ZHX2: variants seen among roughly 807,000 people sequenced by gnomAD.
ZHX2 encodes zinc fingers and homeoboxes 2.
Under a neutral mutation model 21.9 loss-of-function variants are expected in ZHX2, and 6 were observed. The observed-to-expected ratio is 0.27, with a 90% confidence interval of 0.15 to 0.54. ZHX2 has a LOEUF of 0.54. Among genes scored for constraint, ZHX2 ranks in the 20% least tolerant of loss-of-function variants. The probability of loss-of-function intolerance (pLI) is 0.95; values close to 1 mark genes in which losing one functional copy is unlikely to be tolerated. For missense variants in ZHX2, 908 were observed against 1,090.7 expected (o/e 0.83, Z 2.36); for synonymous variants, 434 against 437.1 (o/e 0.99, Z 0.09).
At chr8:122,843,455 A>G (rs1818681894) in intron 1 of ZHX2, among the ~76,000 whole-genome samples, 1 of 152,230 alleles carries the variant, frequency 6.6e-6, no homozygotes, top group Non-Finnish European at 1.5e-5. Context: ...TTCTGGTTAG[A>G]GGAGCCTTTC....
At chr8:122,967,275 A>G in intron 3 of ZHX2, among the ~76,000 whole-genome samples, 1 of 152,180 alleles carries the variant, frequency 6.6e-6, no homozygotes, top group East Asian at 1.9e-4. Flanking sequence ...ATTTAGGTAG[A>G]CTGTTTCAGT....
intron 2 of ZHX2, among the ~76,000 whole-genome samples, chr8:122,867,958 G>A (rs1819338363): frequency 6.6e-6 from 1 of 152,100 alleles, no homozygotes; most frequent in Admixed American, 6.5e-5. Context: ...TATTGCTGAT[G>A]ATCCTTCAGT....
In ZHX2 at chr8:122,952,370, C is replaced by T. The variant is rs1448584670; in HGVS notation, c.860C>T (p.Pro287Leu). Residue 287 changes from proline to leucine, a missense_variant, in exon 3 of 4, where the codon CCG (proline) becomes CTG (leucine). This residue lies in a region of ZHX2 where 232 missense variants were observed against 361.8 expected (regional missense o/e 0.64). Coordinates refer to ENST00000314393, the MANE Select transcript of ZHX2 (RefSeq NM_014943.5). This position sits in a 1 kb window ranked among gnomAD's most constrained non-coding sequence, Gnocchi z 6.9. The part of the protein sequence containing the change: ...MINSFNKFPY[P>L]TQAELSWLTA... Reference sequence around the variant, plus strand: ...AACTCTTTCAACAAGTTTCCTTACCCGACCCAGGCTGAGTTGTCCTGGCTG... The same window carrying T: ...AACTCTTTCAACAAGTTTCCTTACCTGACCCAGGCTGAGTTGTCCTGGCTG... 2.5e-6 allele frequency: 4 copies of T among 1,614,052 alleles called. No homozygotes were observed. Among genetic ancestry groups the T allele is most frequent in the Admixed American group, 1.7e-5 (1 of 59,990 alleles).
At chr8:122,966,794 C>T (rs982028409) in intron 3 of ZHX2, among the ~76,000 whole-genome samples, 2 of 152,166 alleles carry the variant, frequency 1.3e-5, no homozygotes, top group Non-Finnish European at 2.9e-5. Context: ...CACCATTATT[C>T]TCATGTTTGG....
intron 2 of ZHX2, among the ~76,000 whole-genome samples, chr8:122,950,025 CAGCTGTATAGGCTGGATTGTAAGTCA>C (rs1055292049): frequency 6.6e-6 from 1 of 152,062 alleles, no homozygotes; most frequent in Admixed American, 6.6e-5. Flanking sequence ...AGGCTGGATC[CAGCTGTATAGGCTGGATTGTAAGTCA>C]AGCCCTCTCA....
chr8:122,800,524 A>T (rs1817698669), intron 1 of ZHX2, among the ~76,000 whole-genome samples: 1 of 152,184 alleles, frequency 6.6e-6, no homozygotes, highest in African/African-American at 2.4e-5. Context: ...GGTGCTCAAT[A>T]AATATCTGTG....
chr8:122,946,752 G>C (rs143238131), intron 2 of ZHX2, among the ~76,000 whole-genome samples: 2,147 of 152,198 alleles, frequency 0.014, 44 homozygotes, highest in Admixed American at 0.056. Flanking sequence ...TGCAAATTTA[G>C]AATTTAGCCA....
intron 1 of ZHX2, among the ~76,000 whole-genome samples, chr8:122,800,277 T>C (rs1038181637): frequency 6.6e-6 from 1 of 152,228 alleles, no homozygotes; most frequent in Non-Finnish European, 1.5e-5. Flanking sequence ...GTCACCATTA[T>C]GTCCCTTTCA....
At chr8:122,851,829 A>G (rs555724667) in intron 1 of ZHX2, among the ~76,000 whole-genome samples, 6 of 152,290 alleles carry the variant, frequency 3.9e-5, no homozygotes, top group African/African-American at 7.2e-5. Flanking sequence ...ATCTGAACCA[A>G]CTCGTCTTAC....
chr8:122,822,239 G>A (rs1290686983), intron 1 of ZHX2, among the ~76,000 whole-genome samples: 1 of 152,184 alleles, frequency 6.6e-6, no homozygotes, highest in African/African-American at 2.4e-5. Context: ...CGAAGGCCCA[G>A]CGAGTGAAGG....
chr8:122,825,739 A>G (rs1818250465), intron 1 of ZHX2, among the ~76,000 whole-genome samples: 1 of 152,138 alleles, frequency 6.6e-6, no homozygotes, highest in Admixed American at 6.5e-5. Flanking sequence ...TCAAAGAGAG[A>G]CTCCTGGTCT....
chr8:122,802,190 A>G (rs372912484), intron 1 of ZHX2, among the ~76,000 whole-genome samples: 4 of 152,220 alleles, frequency 2.6e-5, no homozygotes, highest in Admixed American at 2.6e-4. Flanking sequence ...CAGCCTCCCG[A>G]GTAGCTGGGA....
At chr8:122,905,529 C>T (rs1329065960) in intron 2 of ZHX2, among the ~76,000 whole-genome samples, 1 of 152,144 alleles carries the variant, frequency 6.6e-6, no homozygotes, top group Non-Finnish European at 1.5e-5. Context: ...TAAGAAAATT[C>T]TCTAAACAGA....
chr8:122,920,902 C>A (rs1022576135), intron 2 of ZHX2, among the ~76,000 whole-genome samples: 15 of 152,150 alleles, frequency 9.9e-5, no homozygotes, highest in Admixed American at 7.2e-4. Flanking sequence ...TACCACACCA[C>A]AATGCACAGC....
chr8:122,867,980 A>G (rs997368238), intron 2 of ZHX2, among the ~76,000 whole-genome samples: 3 of 152,040 alleles, frequency 2.0e-5, no homozygotes, highest in Admixed American at 1.3e-4. Flanking sequence ...GGAAATGTCC[A>G]CTTAATTCTT....
rs1382213999 is a variant in ZHX2 at position 122,974,106 on chromosome 8, A to G, written c.*869A>G. 1 of 152,430 alleles carries G rather than the reference A, an allele frequency of 6.6e-6. No homozygotes were observed. The highest frequency in any genetic ancestry group is 1.5e-5 in the Non-Finnish European group (1 of 68,024). 9.4% of individuals were successfully genotyped at this position (152,430 alleles called of 1,614,324 possible). ...GTACTATTGTGACATTAAAACAACA[A>G]CAATAAGATCTTCCTATCTGGAGGG... is the stretch of plus-strand genomic sequence containing the variant. On this transcript the variant is annotated 3_prime_UTR_variant, in exon 4 of 4. Transcript: ENST00000314393.
intron 2 of ZHX2, among the ~76,000 whole-genome samples, chr8:122,942,363 G>A (rs1355275918): frequency 1.3e-5 from 2 of 152,080 alleles, no homozygotes; most frequent in South Asian, 4.2e-4. Flanking sequence ...ATCCTTTTTG[G>A]TTTTGATGTC....
chr8:122,835,014 C>T (rs1367254262), intron 1 of ZHX2, among the ~76,000 whole-genome samples: 1 of 152,098 alleles, frequency 6.6e-6, no homozygotes, highest in Non-Finnish European at 1.5e-5. Flanking sequence ...TCAGCATGTG[C>T]CTGAGCTACA....
chr8:122,870,659 A>G (rs890905489), intron 2 of ZHX2, among the ~76,000 whole-genome samples: 4 of 143,846 alleles, frequency 2.8e-5, no homozygotes, highest in Non-Finnish European at 5.9e-5. Flanking sequence ...AAAAAAAAAA[A>G]AAAAAAAGAA....
Sources: gnomAD v4.1 joint callset for allele counts (sites outside exome capture counted in the v4.1 genomes callset) on GRCh38, gnomAD v4.1.1 for gene constraint, gnomAD v4.1.1 regional missense constraint, Gnocchi (gnomAD v3.1) non-coding constraint, MANE v1.5 for transcripts, NCBI Gene and HGNC (gene_info 2026-07-23, HGNC 2026-07-21) for gene names.